ATAD1: variants seen among roughly 807,000 people sequenced by gnomAD.
ATAD1 encodes the protein outer mitochondrial transmembrane helix translocase.
A neutral mutation model predicts 42.7 loss-of-function variants in ATAD1; 18 were observed. That is an observed-to-expected ratio of 0.42 (90% CI 0.29 to 0.63). The LOEUF is 0.63. Among genes scored for constraint, ATAD1 ranks in the 20% least tolerant of loss-of-function variants. The pLI is 0.19. For synonymous variants in ATAD1, 132 were observed against 143.1 expected (o/e 0.92, Z 0.55); for missense variants, 294 against 440.4 (o/e 0.67, Z 2.98).
chr10:87,826,935 G>A (rs1292959480), intron 1 of ATAD1, among the ~76,000 whole-genome samples: 1 of 148,012 alleles, frequency 6.8e-6, no homozygotes, highest in Non-Finnish European at 1.5e-5. Context: ...ACAACTAAAA[G>A]TCTCTCTAGT....
At chr10:87,793,819 T>C (rs1272050249) in intron 2 of ATAD1, among the ~76,000 whole-genome samples, 4 of 152,226 alleles carry the variant, frequency 2.6e-5, no homozygotes, top group Non-Finnish European at 4.4e-5. Context: ...CTTTTGATTA[T>C]ATAGAATCTT....
intron 4 of ATAD1, among the ~76,000 whole-genome samples, chr10:87,789,946 T>C (rs1856016682): frequency 1.3e-5 from 2 of 151,712 alleles, no homozygotes; most frequent in Non-Finnish European, 2.9e-5. Flanking sequence ...AATAAGATCG[T>C]TGGAGCTGTG....
At chr10:87,756,098 G>GC (rs996775740) in intron 9 of ATAD1, among the ~76,000 whole-genome samples, 1 of 152,088 alleles carries the variant, frequency 6.6e-6, no homozygotes, top group Non-Finnish European at 1.5e-5. Flanking sequence ...AATACCACAG[G>GC]CAAGGAGTGA....
exon 1 of ATAD1, chr10:87,841,300 G>A (rs550733518): frequency 1.2e-4 from 18 of 152,314 alleles, no homozygotes; most frequent in Admixed American, 2.0e-4. Flanking sequence ...TCTCTGGGAA[G>A]CTAGTCTATG....
intron 1 of ATAD1, among the ~76,000 whole-genome samples, chr10:87,815,535 A>C (rs1179973070): frequency 6.6e-6 from 1 of 152,062 alleles, no homozygotes; most frequent in Admixed American, 6.5e-5. Flanking sequence ...ATATATTTGT[A>C]CTTACATAAA....
At chr10:87,772,664 A>C (rs891315123) in intron 6 of ATAD1, among the ~76,000 whole-genome samples, 2 of 152,144 alleles carry the variant, frequency 1.3e-5, no homozygotes, top group African/African-American at 4.8e-5. Flanking sequence ...AGAGGATGGA[A>C]TACTAAAAAA....
At chr10:87,763,080 CAA>C (rs71019501) in intron 8 of ATAD1, among the ~76,000 whole-genome samples, 29 of 26,534 alleles carry the variant, frequency 1.1e-3, no homozygotes, top group East Asian at 2.6e-3. Context: ...GACTCTGTCA[CAA>C]AAAAAAAAAA....
chr10:87,794,459 AAACCCTC>A (rs1270268915), intron 2 of ATAD1, among the ~76,000 whole-genome samples: 2 of 152,204 alleles, frequency 1.3e-5, no homozygotes, highest in Non-Finnish European at 2.9e-5. Flanking sequence ...AGTAAATGTG[AAACCCTC>A]CCACATGTGT....
At chr10:87,836,524 G>A (rs34048487) in intron 1 of ATAD1, among the ~76,000 whole-genome samples, 26,554 of 152,058 alleles carry the variant, frequency 0.17, 2,549 homozygotes, top group Middle Eastern at 0.23. Flanking sequence ...AGCCTCCGTG[G>A]TTTCTGATGA....
At chr10:87,828,593 A>G (rs1461829777) in intron 1 of ATAD1, among the ~76,000 whole-genome samples, 1 of 152,234 alleles carries the variant, frequency 6.6e-6, no homozygotes, top group Non-Finnish European at 1.5e-5. Flanking sequence ...TACCCAGAAG[A>G]TCTAGCTAAG....
At chr10:87,791,127 C>T (rs182247803) in intron 3 of ATAD1, among the ~76,000 whole-genome samples, 2 of 148,826 alleles carry the variant, frequency 1.3e-5, no homozygotes, top group East Asian at 3.9e-4. Flanking sequence ...ATTGCCAGAA[C>T]CTGGGAGGCG....
chr10:87,796,082 T>C (rs1026161651), intron 2 of ATAD1, among the ~76,000 whole-genome samples: 1 of 152,206 alleles, frequency 6.6e-6, no homozygotes, highest in Admixed American at 6.5e-5. Context: ...ATAGATATAA[T>C]CATTTATTAC....
chr10:87,831,096 G>A lies in ATAD1; in HGVS notation c.-14+10091C>T, dbSNP rs188814130. Among the ~76,000 whole-genome samples, 328 of 152,300 alleles carry A rather than the reference G, an allele frequency of 2.2e-3. 4 individuals carry two copies. Among genetic ancestry groups the A allele is most frequent in the African/African-American group, 7.5e-3 (313 of 41,574 alleles). ...CCTCTCTGAGCCTTGGTTTTCTCAT[G>A]TATAAAAAAGGGATAGTGTCTACAT... is the stretch of plus-strand genomic sequence containing the variant. On this transcript the variant is annotated intron_variant, in intron 1 of 4. Coordinates refer to the ATAD1 transcript ENST00000495903.
At chr10:87,792,617 C>A in intron 3 of ATAD1, 40 bp downstream of exon 3, 2 of 1,248,426 alleles carry the variant, frequency 1.6e-6, no homozygotes, top group South Asian at 1.2e-5. Flanking sequence ...AACCCACCCC[C>A]ACCTCTAAAA....
intron 8 of ATAD1, among the ~76,000 whole-genome samples, chr10:87,762,254 G>C (rs1854514596): frequency 6.6e-6 from 1 of 152,064 alleles, no homozygotes; most frequent in Non-Finnish European, 1.5e-5. Flanking sequence ...TCATTAAAAT[G>C]GTTTAAATTA....
upstream of ATAD1, among the ~76,000 whole-genome samples, chr10:87,822,004 T>A (rs576952166): frequency 4.6e-5 from 7 of 152,290 alleles, no homozygotes; most frequent in South Asian, 2.1e-4. Flanking sequence ...CTGGAATACA[T>A]CAAGAAATCA....
At chr10:87,834,845 A>G (rs963792345) in intron 1 of ATAD1, among the ~76,000 whole-genome samples, 2 of 151,858 alleles carry the variant, frequency 1.3e-5, no homozygotes, top group Non-Finnish European at 2.9e-5. Flanking sequence ...TTAGCTTCTT[A>G]AAGATCAGTG....
At chr10:87,802,929 CT>C (rs1462657203) in intron 2 of ATAD1, among the ~76,000 whole-genome samples, 1 of 152,162 alleles carries the variant, frequency 6.6e-6, no homozygotes, top group African/African-American at 2.4e-5. Context: ...TATTTCCCTT[CT>C]TTTTTCCCCC....
intron 2 of ATAD1, among the ~76,000 whole-genome samples, chr10:87,807,858 C>T (rs1856995176): frequency 6.6e-6 from 1 of 152,010 alleles, no homozygotes; most frequent in Non-Finnish European, 1.5e-5. Context: ...GATTGCCTTC[C>T]CTATTTATAG....
Sources: allele counts gnomAD v4.1 joint callset (sites outside exome capture counted in the v4.1 genomes callset), GRCh38; gene constraint gnomAD v4.1.1; transcripts MANE v1.5; gene names NCBI Gene and HGNC (gene_info 2026-07-23, HGNC 2026-07-21).